Variants in TRPM6 observed in about 807,000 individuals in gnomAD.
The protein encoded by TRPM6 is transient receptor potential cation channel subfamily M member 6.
A neutral mutation model predicts 247.6 loss-of-function variants in TRPM6; 111 were observed. The observed-to-expected ratio is 0.45, with a 90% CI of 0.38 to 0.52. The LOEUF (loss-of-function observed/expected upper bound fraction) is 0.52, where lower values mean the gene tolerates loss of function less well. Among genes scored for constraint, TRPM6 ranks in the 20% least tolerant of loss-of-function variants. The pLI is 0.00. For missense variants in TRPM6, 2,126 were observed against 2,421.5 expected, an observed-to-expected ratio of 0.88 and a Z score of 2.56; for synonymous variants, 892 against 853.8, an observed-to-expected ratio of 1.04 and a Z score of -0.78.
At chr9:74,845,114 A>G (rs1371440364) in intron 3 of TRPM6, among the ~76,000 whole-genome samples, 1 of 152,362 alleles carries the variant, frequency 6.6e-6, no homozygotes, top group Non-Finnish European at 1.5e-5. Flanking sequence ...TTGTCATAAC[A>G]GATACAATAA....
chr9:74,739,454 A>C lies in TRPM6; in HGVS notation c.5488-5T>G, dbSNP rs185898886. The C allele has an allele frequency of 6.2e-7, 1 of 1,613,458 alleles. No individual in the cohort carries two copies. Among genetic ancestry groups the C allele is most frequent in the African/African-American group, 1.3e-5 (1 of 75,010 alleles). On this transcript the variant is annotated splice_polypyrimidine_tract_variant and splice_region_variant and intron_variant, in intron 34 of 38. Transcript: ENST00000360774. The stretch of plus-strand genomic sequence containing the variant: ...AGCTCTTTGTTGTTGAATTTCCTAC[A>C]AAATAGGGAGCACTGATAAAAATAC...
Position 74,728,348 on chromosome 9 carries a change from A to G in TRPM6, c.5829-3T>C, listed in dbSNP as rs765151070. ...GTCCAAACACCATTCCTCTTGATCT[A>G]GAGGAAATATCAGAATATCAATTAG... On this transcript the variant is annotated splice_polypyrimidine_tract_variant and splice_region_variant and intron_variant, in intron 37 of 38. Coordinates refer to ENST00000360774, the MANE Select transcript of TRPM6 (RefSeq NM_017662.5). The G allele has an allele frequency of 2.5e-6, 4 of 1,596,968 alleles. No homozygotes were observed. The highest frequency in any genetic ancestry group is 2.2e-5 in the East Asian group (1 of 44,778).
chr9:74,755,338 G>A lies in TRPM6; in HGVS notation c.4906+15C>T, dbSNP rs533569618. Reference sequence around the variant, plus strand: ...ACCAGGGTTTTTGGGATCCAAAATTGTAGATGTTACATACCTGTGTGACTA... The same window carrying A: ...ACCAGGGTTTTTGGGATCCAAAATTATAGATGTTACATACCTGTGTGACTA... On this transcript the variant is annotated intron_variant, in intron 28 of 38. Transcript: ENST00000360774. 2.5e-6 allele frequency: 4 copies of A among 1,613,840 alleles called. No homozygotes were observed. Among genetic ancestry groups the A allele is most frequent in the East Asian group, 2.2e-5 (1 of 44,880 alleles).
chr9:74,844,635 ATCTTCCATCCAGACCACTCAAACTT>A (rs1165537741), intron 3 of TRPM6, among the ~76,000 whole-genome samples: 1 of 152,208 alleles, frequency 6.6e-6, no homozygotes, highest in African/African-American at 2.4e-5. Context: ...GGCTGGTTTG[ATCTTCCATCCAGACCACTCAAACTT>A]TCTTCATATC....
intron 9 of TRPM6, among the ~76,000 whole-genome samples, chr9:74,818,405 C>T (rs796484508): frequency 1.4e-5 from 2 of 143,972 alleles, no homozygotes; most frequent in Non-Finnish European, 3.0e-5. Flanking sequence ...CGGGTTCAAG[C>T]GATTCTCCTG....
At chr9:74,887,178 C>T (rs1831558431) in intron 1 of TRPM6, 1 of 1,178,610 alleles carries the variant, frequency 8.5e-7, no homozygotes, top group Non-Finnish European at 1.1e-6. Flanking sequence ...GTTGCAAGTC[C>T]GGGCGGCGCC....
At chr9:74,872,776 T>G (rs1242820692) in intron 1 of TRPM6, among the ~76,000 whole-genome samples, 2 of 152,184 alleles carry the variant, frequency 1.3e-5, no homozygotes, top group Non-Finnish European at 2.9e-5. Flanking sequence ...AACCTGATTC[T>G]ATCTCTTAAA....
chr9:74,820,218 T>A, intron 9 of TRPM6, 86 bp downstream of exon 9: 1 of 1,483,172 alleles, frequency 6.7e-7, no homozygotes, highest in Non-Finnish European at 9.3e-7. Context: ...TCCACCATGT[T>A]TTTTTTTAAT....
chr9:74,769,532 G>A (rs1390609714), intron 25 of TRPM6, among the ~76,000 whole-genome samples: 1 of 152,048 alleles, frequency 6.6e-6, no homozygotes, highest in Non-Finnish European at 1.5e-5. Context: ...GTCGAGGGGG[G>A]CGGATCATGA....
intron 3 of TRPM6, 33 bp from the exon 4 acceptor site, chr9:74,842,376 C>A: frequency 6.2e-7 from 1 of 1,611,160 alleles, no homozygotes; most frequent in Non-Finnish European, 8.5e-7. Flanking sequence ...AACTCAACTT[C>A]AAAATAGAAA....
In TRPM6 at chr9:74,887,371, C is replaced by T. The variant is rs1350443184; in HGVS notation, c.33+453G>A. The stretch of plus-strand genomic sequence containing the variant: ...GCCGCGACCCCCGGCTAGTCAGCGT[C>T]CGGGTCTGAGATCTGTGCCCGTGGC... On this transcript the variant is annotated intron_variant, in intron 1 of 38. Coordinates refer to ENST00000360774, the MANE Select transcript of TRPM6 (RefSeq NM_017662.5). 4.3e-6 allele frequency: 6 copies of T among 1,394,194 alleles called. No individual in the cohort carries two copies. In the African/African-American group the frequency reaches 7.2e-5, roughly 17 times the overall value. The allele number at this position is 1,394,194 out of a possible 1,614,324, so 86.4% of individuals were successfully genotyped here.
chr9:74,816,581 C>T (rs1297380107), intron 11 of TRPM6, 88 bp downstream of exon 11: 1 of 1,060,720 alleles, frequency 9.4e-7, no homozygotes, highest in African/African-American at 1.6e-5. Flanking sequence ...CCAAACCAAT[C>T]AATATCTCCT....
intron 23 of TRPM6, among the ~76,000 whole-genome samples, chr9:74,777,536 A>G (rs894681090): frequency 7.2e-5 from 11 of 152,202 alleles, no homozygotes; most frequent in African/African-American, 2.7e-4. Context: ...ATACACTACC[A>G]CAGTCTTGTT....
chr9:74,873,280 C>T (rs1170827112), intron 1 of TRPM6, among the ~76,000 whole-genome samples: 1 of 152,162 alleles, frequency 6.6e-6, no homozygotes, highest in Non-Finnish European at 1.5e-5. Context: ...GACCTCCTTC[C>T]CCATGCTCTC....
intron 1 of TRPM6, among the ~76,000 whole-genome samples, chr9:74,867,257 CA>C (rs1417142031): frequency 6.6e-6 from 1 of 152,096 alleles, no homozygotes; most frequent in African/African-American, 2.4e-5. Context: ...GAAAATATGT[CA>C]AAAGGGCAAA....
intron 30 of TRPM6, among the ~76,000 whole-genome samples, chr9:74,748,613 A>G (rs1387977067): frequency 6.6e-6 from 1 of 152,226 alleles, no homozygotes; most frequent in African/African-American, 2.4e-5. Flanking sequence ...AAGTGAAAAT[A>G]AATAAATAAT....
At chr9:74,834,299 A>G (rs1329087558) in intron 5 of TRPM6, among the ~76,000 whole-genome samples, 177 bp from the exon 6 acceptor site, 1 of 152,034 alleles carries the variant, frequency 6.6e-6, no homozygotes, top group East Asian at 1.9e-4. Flanking sequence ...TTCTAGACAC[A>G]TCTTCCTCTT....
At position 74,762,724 on chromosome 9, in the gene TRPM6, T is replaced by A; in HGVS notation, c.3947A>T (p.Asp1316Val). The change falls in exon 26 of 39, where the codon GAC (aspartate) becomes GTC (valine). Residue 1316 changes from aspartate (D) to valine (V), a missense_variant. Asp to Val is a radical substitution (Grantham distance 152). This residue lies in a region of TRPM6 where 717 missense variants were observed against 715.9 expected (regional missense o/e 1.00). Coordinates refer to ENST00000360774, the MANE Select transcript of TRPM6 (RefSeq NM_017662.5). ...ACTTTGTGTTTCTTGCCTTTCCTGG[T>A]CATTTCTTACATTTGTAGCCTCTCT... ...SKREATNVRN[D>V]QERQETQSSI... The A allele has an allele frequency of 6.2e-7, 1 of 1,614,154 alleles. No homozygotes were observed. The highest frequency in any genetic ancestry group is 8.5e-7 in the Non-Finnish European group (1 of 1,180,036).
chr9:74,874,484 T>A (rs1831129472), intron 1 of TRPM6, among the ~76,000 whole-genome samples: 1 of 152,180 alleles, frequency 6.6e-6, no homozygotes. Context: ...AGAGCACAGT[T>A]ACCCATATAA....
Sources: gnomAD v4.1 joint callset for allele counts (sites outside exome capture counted in the v4.1 genomes callset) on GRCh38, gnomAD v4.1.1 for gene constraint, gnomAD v4.1.1 regional missense constraint, MANE v1.5 for transcripts, NCBI Gene and HGNC (gene_info 2026-07-23, HGNC 2026-07-21) for gene names.